The following OC90 variants were observed in gnomAD, a reference collection of about 807,000 sequenced individuals.
The protein encoded by OC90 is otoconin-90.
A neutral mutation model predicts 47.3 loss-of-function variants in OC90; 46 were observed. That is an observed-to-expected ratio of 0.97 (90% confidence interval 0.77 to 1.24). The LOEUF (loss-of-function observed/expected upper bound fraction) is 1.24, where lower values mean the gene tolerates loss of function less well. Among genes scored for constraint, OC90 ranks in the 50% most tolerant of loss-of-function variants. OC90 has a pLI of 0.00. For missense variants in OC90, 688 were observed against 583.9 expected (o/e 1.18, Z -1.84); for synonymous variants, 271 against 219.5 (o/e 1.23, Z -2.07).
intron 12 of OC90, among the ~76,000 whole-genome samples, chr8:132,031,356 A>AT (rs1165226502): frequency 6.6e-6 from 1 of 152,198 alleles, no homozygotes; most frequent in Non-Finnish European, 1.5e-5. Context: ...GAATACATTA[A>AT]TAAGTGCATG....
At chr8:132,028,912 GGAA>G (rs1252247279) in intron 13 of OC90, among the ~76,000 whole-genome samples, 158 bp downstream of exon 13, 2 of 142,458 alleles carry the variant, frequency 1.4e-5, no homozygotes, top group Non-Finnish European at 3.0e-5. Flanking sequence ...GAAGGAAAGA[GGAA>G]GGAAGGAAGG....
intron 13 of OC90, 110 bp downstream of exon 13, chr8:132,028,963 G>C: frequency 1.4e-6 from 1 of 714,024 alleles, no homozygotes. Flanking sequence ...AAGAAGAAAA[G>C]AGTATTAAGT....
At chr8:132,035,398 A>ACAGAG (rs2130854885) in intron 9 of OC90, among the ~76,000 whole-genome samples, 1 of 152,264 alleles carries the variant, frequency 6.6e-6, no homozygotes, top group South Asian at 2.1e-4. Context: ...GAGAAAGGAG[A>ACAGAG]CACACAGAAA....
intron 4 of OC90, among the ~76,000 whole-genome samples, chr8:132,043,798 A>G (rs1823092236): frequency 6.6e-6 from 1 of 152,242 alleles, no homozygotes; most frequent in South Asian, 2.1e-4. Context: ...GAAACTTACA[A>G]GGCACCTGCA....
At chr8:132,053,185 G>A (rs1823239433) in intron 2 of OC90, among the ~76,000 whole-genome samples, 1 of 152,116 alleles carries the variant, frequency 6.6e-6, no homozygotes. Flanking sequence ...GCCTGGGTCA[G>A]GGATGCTGCC....
At chr8:132,028,584 AAGG>A (rs2130850251) in intron 13 of OC90, among the ~76,000 whole-genome samples, 4 of 32,768 alleles carry the variant, frequency 1.2e-4, no homozygotes, top group Admixed American at 4.0e-4. Context: ...GGAAGGAAGG[AAGG>A]AAGGAAGGAA....
chr8:132,043,111 A>G (rs1442394176), intron 4 of OC90, among the ~76,000 whole-genome samples: 3 of 152,346 alleles, frequency 2.0e-5, no homozygotes, highest in Admixed American at 1.3e-4. Context: ...CCCAAATGAT[A>G]CGGTGATGAC....
At chr8:132,041,223 T>C (rs1823048678) in intron 5 of OC90, 67 bp from the exon 6 acceptor site, 3 of 956,948 alleles carry the variant, frequency 3.1e-6, no homozygotes, top group East Asian at 4.8e-5. Flanking sequence ...AGGCAGCTCA[T>C]GATCTTTCTG....
intron 10 of OC90, 139 bp downstream of exon 10, chr8:132,034,642 C>T (rs932622668): frequency 5.5e-5 from 33 of 601,116 alleles, no homozygotes; most frequent in Admixed American, 3.3e-4. Context: ...TAAATGCTTC[C>T]GATTCTTGCC....
intron 10 of OC90, among the ~76,000 whole-genome samples, chr8:132,033,466 G>T (rs984603057): frequency 2.0e-5 from 3 of 152,182 alleles, no homozygotes; most frequent in African/African-American, 7.2e-5. Flanking sequence ...TCACATGCCT[G>T]CCCAGTGAAG....
At chr8:132,028,686 G>C (rs200971731) in intron 13 of OC90, among the ~76,000 whole-genome samples, 92 of 127,094 alleles carry the variant, frequency 7.2e-4, no homozygotes, top group African/African-American at 2.9e-3. Flanking sequence ...AAGAAAGAAA[G>C]AGAAAGAAAG....
intron 8 of OC90, among the ~76,000 whole-genome samples, chr8:132,038,419 T>C (rs1470775509): frequency 6.6e-6 from 1 of 151,948 alleles, no homozygotes; most frequent in Non-Finnish European, 1.5e-5. Context: ...GCCAGGAGCT[T>C]ACTTAGTTAG....
In OC90 at chr8:132,037,272, T is replaced by C. The variant is rs200843851; in HGVS notation, c.679+166A>G. Among the ~76,000 whole-genome samples the C allele has an allele frequency of 3.3e-5, 5 of 152,060 alleles. No individual in the cohort carries two copies. The East Asian group carries it at 7.7e-4, about 24-fold the overall frequency. ...GTTGGAGATGGGGCCTGGTGGGAGG[T>C]GATTGGATCATGGGGATGGATTTCT... is the stretch of plus-strand genomic sequence containing the variant. On this transcript the variant is annotated intron_variant, in intron 9 of 13. Coordinates refer to ENST00000254627, the MANE Select transcript of OC90 (RefSeq NM_001080399.3).
intron 11 of OC90, among the ~76,000 whole-genome samples, chr8:132,032,592 C>T (rs1392526319): frequency 6.6e-6 from 1 of 152,240 alleles, no homozygotes; most frequent in East Asian, 1.9e-4. Context: ...ATGGAAGGCA[C>T]ACCCAGATAC....
At position 132,041,399 on chromosome 8, in the gene OC90, G is replaced by T. The variant is rs373107737; in HGVS notation, c.344+126C>A. On this transcript the variant is annotated intron_variant, in intron 5 of 13. Transcript: ENST00000254627. ...TGAGTCACCCAACTAGTAGGTAGTGGAATTAAACCCTCTCCTGAGTCCCAA... is the reference window on the plus strand; with the variant it reads ...TGAGTCACCCAACTAGTAGGTAGTGTAATTAAACCCTCTCCTGAGTCCCAA... The T allele has an allele frequency of 1.8e-4, 145 of 789,692 alleles. No individual in the cohort carries two copies. In the East Asian group the frequency reaches 3.3e-3, roughly 18 times the overall value. 48.9% of individuals were successfully genotyped at this position (789,692 alleles called of 1,614,324 possible).
At chr8:132,050,803 C>A (rs1216584000) in intron 2 of OC90, among the ~76,000 whole-genome samples, 1 of 152,076 alleles carries the variant, frequency 6.6e-6, no homozygotes, top group Non-Finnish European at 1.5e-5. Context: ...GAGTTCAAGA[C>A]CAGCCTGACC....
chr8:132,046,665 G>T (rs536600445), intron 2 of OC90, among the ~76,000 whole-genome samples: 1 of 152,252 alleles, frequency 6.6e-6, no homozygotes, highest in East Asian at 1.9e-4. Flanking sequence ...TTATAGACTT[G>T]TTCCTGCTCA....
At chr8:132,053,537 T>C (rs1177120779) in intron 2 of OC90, among the ~76,000 whole-genome samples, 4 of 152,188 alleles carry the variant, frequency 2.6e-5, no homozygotes, top group Admixed American at 2.6e-4. Context: ...GGAATGATAA[T>C]GTCTATTGGT....
chr8:132,054,566 C>G (rs1823256027), intron 2 of OC90, among the ~76,000 whole-genome samples: 1 of 152,200 alleles, frequency 6.6e-6, no homozygotes, highest in Non-Finnish European at 1.5e-5. Context: ...CAGTGGTGGT[C>G]ACACACTTAC....
Sources: allele counts gnomAD v4.1 joint callset (sites outside exome capture counted in the v4.1 genomes callset), GRCh38; gene constraint gnomAD v4.1.1; transcripts MANE v1.5; gene names NCBI Gene and HGNC (gene_info 2026-07-23, HGNC 2026-07-21).